Variants in SLCO5A1 observed in about 807,000 individuals in gnomAD.
SLCO5A1 encodes solute carrier organic anion transporter family member 5A1.
SLCO5A1 carries 39 observed loss-of-function variants against 65.1 expected under a neutral mutation model. The ratio of observed to expected loss-of-function variants is 0.60; its 90% confidence interval spans 0.46 to 0.78. The LOEUF (loss-of-function observed/expected upper bound fraction) is 0.78. Ranked by LOEUF, SLCO5A1 falls within the 30% of genes least tolerant of loss-of-function variation. SLCO5A1 has a pLI of 0.00. For synonymous variants in SLCO5A1, 438 were observed against 415.7 expected (o/e 1.05, Z -0.65); for missense variants, 1,029 against 1,069.4 (o/e 0.96, Z 0.53).
At chr8:69,797,857 G>T (rs927703773) in intron 2 of SLCO5A1, among the ~76,000 whole-genome samples, 2 of 152,088 alleles carry the variant, frequency 1.3e-5, no homozygotes, top group Admixed American at 1.3e-4. Context: ...CTGTGATCTC[G>T]CCCTGCCTCC....
intron 4 of SLCO5A1, among the ~76,000 whole-genome samples, chr8:69,742,552 G>A (rs551021079): frequency 6.6e-6 from 1 of 152,252 alleles, no homozygotes; most frequent in South Asian, 2.1e-4. Flanking sequence ...ATAATTTAAG[G>A]TGGTCTATAC....
chr8:69,820,005 T>C (rs1383550833), intron 2 of SLCO5A1, among the ~76,000 whole-genome samples: 2 of 152,202 alleles, frequency 1.3e-5, no homozygotes, highest in Admixed American at 6.5e-5. Flanking sequence ...TTCTGCGTAC[T>C]AGGGCAACCG....
At chr8:69,802,657 A>C (rs1586817490) in intron 2 of SLCO5A1, among the ~76,000 whole-genome samples, 1 of 152,026 alleles carries the variant, frequency 6.6e-6, no homozygotes, top group East Asian at 1.9e-4. Flanking sequence ...CTCAACTCCC[A>C]GTAAGACCAG....
chr8:69,784,178 A>T (rs1239968990), intron 2 of SLCO5A1, among the ~76,000 whole-genome samples: 2 of 152,230 alleles, frequency 1.3e-5, no homozygotes, highest in Non-Finnish European at 2.9e-5. Context: ...CAGAATACCT[A>T]AAGAGTTCTT....
At chr8:69,721,781 G>T (rs1194504835) in intron 5 of SLCO5A1, among the ~76,000 whole-genome samples, 1 of 152,168 alleles carries the variant, frequency 6.6e-6, no homozygotes, top group Non-Finnish European at 1.5e-5. Flanking sequence ...ACCTAAAACA[G>T]CAGGAAACTC....
intron 6 of SLCO5A1, among the ~76,000 whole-genome samples, chr8:69,686,390 T>C (rs923757265): frequency 1.1e-4 from 16 of 152,218 alleles, no homozygotes; most frequent in African/African-American, 3.9e-4. Flanking sequence ...TGGCTTCATA[T>C]GAGAACCCTT....
At chr8:69,694,947 A>C (rs772496820) in intron 6 of SLCO5A1, among the ~76,000 whole-genome samples, 1 of 152,214 alleles carries the variant, frequency 6.6e-6, no homozygotes, top group Non-Finnish European at 1.5e-5. Flanking sequence ...ATTTCCGTCG[A>C]GTTCATAAGA....
At chr8:69,686,457 T>TA (rs1304257720) in intron 6 of SLCO5A1, among the ~76,000 whole-genome samples, 1 of 152,192 alleles carries the variant, frequency 6.6e-6, no homozygotes, top group Non-Finnish European at 1.5e-5. Flanking sequence ...ATCATCGTCA[T>TA]AATCATCATT....
At chr8:69,760,039 C>G (rs531277042) in intron 3 of SLCO5A1, among the ~76,000 whole-genome samples, 100 of 152,310 alleles carry the variant, frequency 6.6e-4, no homozygotes, top group African/African-American at 2.2e-3. Context: ...AAGCTCCTGC[C>G]TTCCCTCCTT....
chr8:69,819,229 C>T (rs1252123590), intron 2 of SLCO5A1, among the ~76,000 whole-genome samples: 1 of 152,042 alleles, frequency 6.6e-6, no homozygotes, highest in Non-Finnish European at 1.5e-5. Flanking sequence ...ACCGGGCATG[C>T]TCAGCACAGC....
intron 2 of SLCO5A1, among the ~76,000 whole-genome samples, chr8:69,820,965 T>C (rs1820611803): frequency 6.6e-6 from 1 of 152,022 alleles, no homozygotes; most frequent in African/African-American, 2.4e-5. Flanking sequence ...CCATGACCAG[T>C]TGTTGGTAGA....
At chr8:69,680,346 C>A (rs925979955) in intron 7 of SLCO5A1, among the ~76,000 whole-genome samples, 48 of 152,104 alleles carry the variant, frequency 3.2e-4, no homozygotes, top group Admixed American at 1.0e-3. Flanking sequence ...CCATGAGTAC[C>A]CAATGTTTAG....
intron 2 of SLCO5A1, among the ~76,000 whole-genome samples, chr8:69,806,078 G>T (rs746599673): frequency 6.6e-6 from 1 of 152,116 alleles, no homozygotes; most frequent in Non-Finnish European, 1.5e-5. Context: ...CCCAACCCCC[G>T]CCAGAGGAAG....
intron 6 of SLCO5A1, among the ~76,000 whole-genome samples, chr8:69,693,722 T>C (rs1386674371): frequency 1.3e-5 from 2 of 152,250 alleles, no homozygotes; most frequent in Non-Finnish European, 2.9e-5. Flanking sequence ...TTACAATTTA[T>C]GAATTTTATC....
chr8:69,819,611 A>G lies in SLCO5A1; in HGVS notation c.907+12156T>C, dbSNP rs370923746. Reference sequence around the variant, plus strand: ...GCCTCTTTAAAATCCCAACAAAAAGAATCAGAAAAACTAATGCTACAGAGT... The same window carrying G: ...GCCTCTTTAAAATCCCAACAAAAAGGATCAGAAAAACTAATGCTACAGAGT... On this transcript the variant is annotated intron_variant, in intron 2 of 9. Transcript: ENST00000260126. 3.9e-5 allele frequency among the ~76,000 whole-genome samples: 6 copies of G among 152,146 alleles called. No homozygotes were observed. In the East Asian group the frequency reaches 7.7e-4, roughly 20 times the overall value.
chr8:69,701,674 G>T (rs906999566), intron 6 of SLCO5A1, among the ~76,000 whole-genome samples: 3 of 152,078 alleles, frequency 2.0e-5, no homozygotes, highest in African/African-American at 7.2e-5. Flanking sequence ...CCGCCTTTCT[G>T]GACCAAACCA....
At chr8:69,813,323 T>C (rs950267064) in intron 2 of SLCO5A1, among the ~76,000 whole-genome samples, 17 of 152,266 alleles carry the variant, frequency 1.1e-4, no homozygotes, top group African/African-American at 3.9e-4. Context: ...CATGCTAGAA[T>C]GCCAGGAGCT....
chr8:69,821,805 C>CAAAA (rs11284619), intron 2 of SLCO5A1, among the ~76,000 whole-genome samples: 2 of 115,276 alleles, frequency 1.7e-5, no homozygotes, highest in Non-Finnish European at 1.9e-5. Flanking sequence ...GACTTTGTCT[C>CAAAA]AAAAAAAAAA....
chr8:69,793,868 G>C (rs188644214), intron 2 of SLCO5A1, among the ~76,000 whole-genome samples: 2 of 152,180 alleles, frequency 1.3e-5, no homozygotes, highest in Admixed American at 1.3e-4. Context: ...AGAGAAGAAT[G>C]GCTAAGATTT....
Sources: allele counts gnomAD v4.1 joint callset (sites outside exome capture counted in the v4.1 genomes callset), GRCh38; gene constraint gnomAD v4.1.1; transcripts MANE v1.5; gene names NCBI Gene and HGNC (gene_info 2026-07-23, HGNC 2026-07-21).